Variants in EPB41L2 observed in about 807,000 individuals in gnomAD.
The protein encoded by EPB41L2 is band 4.1-like protein 2.
Under a neutral mutation model 113.0 loss-of-function variants are expected in EPB41L2, and 43 were observed. That is an observed-to-expected ratio of 0.38 (90% confidence interval 0.30 to 0.49). The LOEUF is 0.49. EPB41L2 is among the 20% of genes least tolerant of loss of function. EPB41L2 has a pLI of 0.95. For missense variants in EPB41L2, 1,147 were observed against 1,223.4 expected (o/e 0.94, Z 0.93); for synonymous variants, 442 against 436.7 (o/e 1.01, Z -0.15).
chr6:130,961,562 C>G (rs1773538054), intron 1 of EPB41L2, among the ~76,000 whole-genome samples: 1 of 152,182 alleles, frequency 6.6e-6, no homozygotes, highest in African/African-American at 2.4e-5. Context: ...CAGAATACTA[C>G]AGCAAGCAAA....
chr6:131,005,178 GT>G (rs5880046), intron 1 of EPB41L2, among the ~76,000 whole-genome samples: 41,671 of 144,980 alleles, frequency 0.29, 6,669 homozygotes, highest in Non-Finnish European at 0.38. Context: ...CTTTTACAGA[GT>G]TTTTTTTTTT....
At chr6:131,027,892 C>T (rs1031386092) in intron 1 of EPB41L2, among the ~76,000 whole-genome samples, 10 of 152,298 alleles carry the variant, frequency 6.6e-5, no homozygotes, top group African/African-American at 1.9e-4. Context: ...ATTATAACTT[C>T]TCTCATAAGT....
At chr6:130,907,832 C>T (rs1309763079) in intron 5 of EPB41L2, among the ~76,000 whole-genome samples, 1 of 151,206 alleles carries the variant, frequency 6.6e-6, no homozygotes, top group Non-Finnish European at 1.5e-5. Flanking sequence ...AGTATTTTGA[C>T]CTTAGGAATA....
chr6:131,037,176 C>T (rs957722134), intron 1 of EPB41L2, among the ~76,000 whole-genome samples: 12 of 152,162 alleles, frequency 7.9e-5, no homozygotes, highest in Non-Finnish European at 1.6e-4. Flanking sequence ...TTTCATTTAC[C>T]GGTTTTCATC....
chr6:131,038,042 T>C (rs916113677), intron 1 of EPB41L2, among the ~76,000 whole-genome samples: 3 of 152,202 alleles, frequency 2.0e-5, no homozygotes, highest in Non-Finnish European at 4.4e-5. Flanking sequence ...ATAAACAGTA[T>C]CAATAAACAC....
At chr6:130,955,879 C>A in intron 2 of EPB41L2, 115 bp downstream of exon 2, 3 of 1,493,818 alleles carry the variant, frequency 2.0e-6, no homozygotes, top group Non-Finnish European at 2.7e-6. Flanking sequence ...ATACATTAAG[C>A]TAAAGCAGTA....
chr6:130,916,762 A>G (rs1021213813), intron 4 of EPB41L2, among the ~76,000 whole-genome samples: 4 of 152,226 alleles, frequency 2.6e-5, no homozygotes, highest in Non-Finnish European at 5.9e-5. Flanking sequence ...AGTCTATTTC[A>G]GCAGGTCTAG....
rs140560366 is a variant in EPB41L2, at chr6:131,056,835, T to C, written c.-15+6320A>G. Among the ~76,000 whole-genome samples the C allele has an allele frequency of 3.5e-4, 53 of 152,320 alleles. No individual in the cohort carries two copies. In the East Asian group the frequency reaches 9.4e-3, roughly 27 times the overall value. The stretch of plus-strand genomic sequence containing the variant: ...TAACCAGCATCAAATAGAGTGGACA[T>C]GTTACTGATTCCTTCTAATCAATAT... On this transcript the variant is annotated intron_variant, in intron 1 of 19. Coordinates refer to ENST00000337057, the MANE Select transcript of EPB41L2 (RefSeq NM_001431.4).
In EPB41L2 at chr6:130,956,387, A is replaced by G; in HGVS notation, c.99T>C (p.Asn33=). The G allele has an allele frequency of 1.2e-6, 2 of 1,613,812 alleles. No homozygotes were observed. Among genetic ancestry groups the G allele is most frequent in the Non-Finnish European group, 1.7e-6 (2 of 1,179,984 alleles). Reference sequence around the variant, plus strand: ...CTGGATCGGAAGACTGATTCTGCTGATTTTCTGCTACTTCTTTAGGTTTTT... The same window carrying G: ...CTGGATCGGAAGACTGATTCTGCTGGTTTTCTGCTACTTCTTTAGGTTTTT... ...TKEKPKEVAE[N]QQNQSSDPEE... Residue 33 remains asparagine (N), a synonymous_variant, in exon 2 of 20, where the codon AAT becomes AAC. Coordinates refer to ENST00000337057, the MANE Select transcript of EPB41L2 (RefSeq NM_001431.4).
chr6:130,995,064 T>C (rs1340008143), intron 1 of EPB41L2, among the ~76,000 whole-genome samples: 1 of 152,052 alleles, frequency 6.6e-6, no homozygotes, highest in African/African-American at 2.4e-5. Context: ...CGGCCAGGCG[T>C]GGTGGCTCAC....
At chr6:131,061,212 C>T (rs1562821657) in intron 1 of EPB41L2, among the ~76,000 whole-genome samples, 1 of 152,276 alleles carries the variant, frequency 6.6e-6, no homozygotes, top group South Asian at 2.1e-4. Flanking sequence ...TGAGCAGCCT[C>T]TTGTTCTCGG....
In EPB41L2 at chr6:130,858,451, C is replaced by A. The variant is rs1039695056; in HGVS notation, c.2911-208G>T. 1.2e-4 allele frequency: 53 copies of A among 460,744 alleles called. No homozygotes were observed. The Admixed American group carries it at 1.2e-3, about 11-fold the overall frequency. 28.5% of individuals were successfully genotyped at this position (460,744 alleles called of 1,614,324 possible). On this transcript the variant is annotated intron_variant, in intron 18 of 19. Coordinates refer to ENST00000337057, the MANE Select transcript of EPB41L2 (RefSeq NM_001431.4). ...TTCCTAAATCTCCCAATTCTTCAGTCCACTTTCAAATAATGACACGTAGAG... is the reference window on the plus strand; with the variant it reads ...TTCCTAAATCTCCCAATTCTTCAGTACACTTTCAAATAATGACACGTAGAG...
At chr6:130,960,975 T>C (rs888824927) in intron 1 of EPB41L2, among the ~76,000 whole-genome samples, 8 of 152,164 alleles carry the variant, frequency 5.3e-5, no homozygotes, top group Non-Finnish European at 1.2e-4. Context: ...ACTTACTAAA[T>C]GAGTATTGTT....
At chr6:130,884,336 G>A (rs1028734026) in intron 12 of EPB41L2, among the ~76,000 whole-genome samples, 20 of 151,486 alleles carry the variant, frequency 1.3e-4, no homozygotes, top group Admixed American at 9.9e-4. Context: ...ACTTCATCTC[G>A]AAAAAATAAA....
chr6:131,012,205 G>A (rs943628791), intron 1 of EPB41L2, among the ~76,000 whole-genome samples: 1 of 151,532 alleles, frequency 6.6e-6, no homozygotes, highest in Non-Finnish European at 1.5e-5. Context: ...ACTCTAGATG[G>A]GGGCGGGGGG....
At position 130,955,170 on chromosome 6, in the gene EPB41L2, T is replaced by C. The variant is rs544291074; in HGVS notation, c.640A>G (p.Lys214Glu). The change falls in exon 3 of 20, where the codon AAG (lysine) becomes GAG (glutamate). Residue 214 changes from lysine (K) to glutamate (E), a missense_variant. By Grantham distance (56) the Lys-to-Glu change is moderately conservative (BLOSUM62 1). Transcript: ENST00000337057. ...AEKASQKVTK[K>E]TKTVQCKVTL... ...ACTTTACACTGGACAGTTTTGGTCT[T>C]CTTGGTGACTTTTTGAGATGCCTTC... is the stretch of plus-strand genomic sequence containing the variant. 6.2e-7 allele frequency: 1 copy of C among 1,614,202 alleles called. No homozygotes were observed. The highest frequency in any genetic ancestry group is 1.3e-5 in the African/African-American group (1 of 75,054).
At chr6:130,896,639 T>C (rs1383970786) in intron 8 of EPB41L2, among the ~76,000 whole-genome samples, 1 of 152,256 alleles carries the variant, frequency 6.6e-6, no homozygotes, top group Non-Finnish European at 1.5e-5. Context: ...TGTTGTTCTA[T>C]GTAATTATTT....
At chr6:130,850,385 G>A (rs1354068058) in intron 19 of EPB41L2, among the ~76,000 whole-genome samples, 1 of 152,032 alleles carries the variant, frequency 6.6e-6, no homozygotes, top group South Asian at 2.1e-4. Context: ...AAAACTGAGG[G>A]GTAATTTAAA....
Position 130,870,143 on chromosome 6 carries a change from G to A in EPB41L2, c.2044-17C>T. 6.3e-7 allele frequency: 1 copy of A among 1,576,362 alleles called. No homozygotes were observed. Among genetic ancestry groups the A allele is most frequent in the South Asian group, 1.2e-5 (1 of 85,002 alleles). The stretch of plus-strand genomic sequence containing the variant: ...ATGTGAACTCTGTACAAAAAAAGAT[G>A]GATGAGGGAAAACAAAAATATATGA... On this transcript the variant is annotated splice_polypyrimidine_tract_variant and intron_variant, in intron 14 of 19. Transcript: ENST00000337057.
Sources: gnomAD v4.1 joint callset for allele counts (sites outside exome capture counted in the v4.1 genomes callset) on GRCh38, gnomAD v4.1.1 for gene constraint, MANE v1.5 for transcripts, NCBI Gene and HGNC (gene_info 2026-07-23, HGNC 2026-07-21) for gene names.